Variants in NCF2 observed in about 807,000 individuals in gnomAD.
NCF2 encodes neutrophil cytosolic factor 2.
In NCF2, 45 loss-of-function variants were observed where a neutral mutation model predicts 70.9. That is an observed-to-expected ratio of 0.63 (90% CI 0.50 to 0.81). NCF2 has a LOEUF of 0.81. Ranked by LOEUF, NCF2 falls within the 40% of genes least tolerant of loss-of-function variation. The probability of loss-of-function intolerance (pLI) is 0.00; values close to 1 mark genes in which losing one functional copy is unlikely to be tolerated. For synonymous variants in NCF2, 203 were observed against 233.6 expected (o/e 0.87, Z 1.19); for missense variants, 522 against 631.6 (o/e 0.83, Z 1.86).
intron 1 of NCF2, 105 bp from the exon 2 acceptor site, chr1:183,587,082 C>T: frequency 9.0e-7 from 1 of 1,107,222 alleles, no homozygotes. Context: ...CCCAGCTCTG[C>T]TGTCTGCCCT....
At chr1:183,583,841 A>C (rs539219349) in intron 2 of NCF2, among the ~76,000 whole-genome samples, 1 of 152,334 alleles carries the variant, frequency 6.6e-6, no homozygotes, top group South Asian at 2.1e-4. Context: ...CAGTCATGGA[A>C]GCCACTGGAA....
At chr1:183,581,672 G>C (rs945337750) in intron 2 of NCF2, among the ~76,000 whole-genome samples, 1 of 133,834 alleles carries the variant, frequency 7.5e-6, no homozygotes, top group Admixed American at 7.5e-5. Flanking sequence ...TCCTTGCTAA[G>C]TGTTTTTTTT....
chr1:183,581,879 G>A (rs1258323490), intron 2 of NCF2, among the ~76,000 whole-genome samples: 7 of 152,172 alleles, frequency 4.6e-5, no homozygotes, highest in Non-Finnish European at 1.0e-4. Context: ...GTGTTAGCCA[G>A]GATGGTCTCG....
intron 2 of NCF2, among the ~76,000 whole-genome samples, chr1:183,586,167 T>C (rs1394435637): frequency 6.6e-6 from 1 of 152,194 alleles, no homozygotes; most frequent in Non-Finnish European, 1.5e-5. Flanking sequence ...AAACCCCATC[T>C]CTACTAAAAA....
chr1:183,575,689 G>T (rs1356035573), intron 3 of NCF2, among the ~76,000 whole-genome samples: 3 of 152,192 alleles, frequency 2.0e-5, no homozygotes, highest in African/African-American at 7.2e-5. Context: ...TCTTGCTCTT[G>T]GGTCACTTGC....
At position 183,555,745 on chromosome 1, in the gene NCF2, A is replaced by C. The variant is rs1005473695; in HGVS notation, c.*373T>G. ...CTAGGTTTTTTTTTATTGTGGTATG[A>C]CACAGAAAAGTGCACCAAATGTACA... is the stretch of plus-strand genomic sequence containing the variant. On this transcript the variant is annotated 3_prime_UTR_variant, in exon 15 of 15. Transcript: ENST00000367535. The C allele has an allele frequency of 8.3e-6, 2 of 241,282 alleles. No homozygotes were observed. Among genetic ancestry groups the C allele is most frequent in the African/African-American group, 2.2e-5 (1 of 44,510 alleles). 14.9% of individuals were successfully genotyped at this position (241,282 alleles called of 1,614,324 possible). A position where few individuals can be genotyped will look rare whatever the true frequency, so the allele number is the denominator to read the frequency against.
chr1:183,569,293 C>A, intron 6 of NCF2, 108 bp from the exon 7 acceptor site: 1 of 1,022,948 alleles, frequency 9.8e-7, no homozygotes, highest in South Asian at 1.3e-5. Flanking sequence ...ACCAGAAAAT[C>A]AAATAACGCA....
rs563385063 is a variant in NCF2, at chr1:183,584,200, G to A, written c.257+2695C>T. On this transcript the variant is annotated intron_variant, in intron 2 of 14. Coordinates refer to ENST00000367535, the MANE Select transcript of NCF2 (RefSeq NM_000433.4). Reference sequence around the variant, plus strand: ...TTCACATACGGACTTCATATCTATAGCCCCTGAATTGTACATAAACGAATG... The same window carrying A: ...TTCACATACGGACTTCATATCTATAACCCCTGAATTGTACATAAACGAATG... 8.5e-5 allele frequency among the ~76,000 whole-genome samples: 13 copies of A among 152,292 alleles called. No homozygotes were observed. The East Asian group carries it at 2.1e-3, about 25-fold the overall frequency.
chr1:183,564,436 T>C (rs1672216295), intron 10 of NCF2, among the ~76,000 whole-genome samples: 3 of 152,246 alleles, frequency 2.0e-5, no homozygotes, highest in Admixed American at 2.0e-4. Context: ...TATTTTTGTG[T>C]ATGTTTCCTA....
At chr1:183,574,447 A>G (rs1672705438) in intron 4 of NCF2, 40 bp downstream of exon 4, 15 of 1,614,024 alleles carry the variant, frequency 9.3e-6, no homozygotes, top group Non-Finnish European at 1.3e-5. Context: ...ATGAGAATCC[A>G]GTGACATCCT....
chr1:183,587,121 T>C (rs981537886), intron 1 of NCF2, 144 bp from the exon 2 acceptor site: 1 of 790,600 alleles, frequency 1.3e-6, no homozygotes, highest in Non-Finnish European at 2.3e-6. Flanking sequence ...CACCCTGTGC[T>C]CTCACGGTGC....
chr1:183,582,814 C>T (rs1673174828), intron 2 of NCF2, among the ~76,000 whole-genome samples: 1 of 152,196 alleles, frequency 6.6e-6, no homozygotes, highest in Non-Finnish European at 1.5e-5. Context: ...CTTCGAGCCC[C>T]TGTGCCTTTC....
rs755614780 is a variant in NCF2 at position 183,590,427 on chromosome 1, A to G, written c.-98T>C. On this transcript the variant is annotated 5_prime_UTR_variant, in exon 1 of 15. Coordinates refer to ENST00000367535, the MANE Select transcript of NCF2 (RefSeq NM_000433.4). ...AGCAGGGCTGCCTTAGTGGCCCCCAAGGTGTTCACTTTCTGGGCCAGATGA... is the reference window on the plus strand; with the variant it reads ...AGCAGGGCTGCCTTAGTGGCCCCCAGGGTGTTCACTTTCTGGGCCAGATGA... The G allele has an allele frequency of 8.8e-6, 12 of 1,368,530 alleles. No individual in the cohort carries two copies. The highest frequency in any genetic ancestry group is 2.3e-5 in the East Asian group (1 of 42,834). 84.8% of individuals were successfully genotyped at this position (1,368,530 alleles called of 1,614,324 possible). A position where few individuals can be genotyped will look rare whatever the true frequency, so the allele number is the denominator to read the frequency against.
intron 7 of NCF2, among the ~76,000 whole-genome samples, chr1:183,568,926 C>G (rs1340720149): frequency 6.6e-6 from 1 of 152,162 alleles, no homozygotes; most frequent in Non-Finnish European, 1.5e-5. Context: ...TCAAGACTCC[C>G]ATCCCCATCA....
At chr1:183,556,585 G>A (rs1389133826) in intron 14 of NCF2, among the ~76,000 whole-genome samples, 2 of 152,186 alleles carry the variant, frequency 1.3e-5, no homozygotes, top group African/African-American at 2.4e-5. Context: ...AGGCTGGAGT[G>A]CAGTGGCACA....
intron 13 of NCF2, among the ~76,000 whole-genome samples, 163 bp downstream of exon 13, chr1:183,563,032 G>A (rs1395600480): frequency 6.6e-6 from 1 of 152,154 alleles, no homozygotes; most frequent in Non-Finnish European, 1.5e-5. Context: ...TGCAAATGGG[G>A]TGAGGATGCA....
intron 3 of NCF2, among the ~76,000 whole-genome samples, chr1:183,575,281 C>T (rs1295418948): frequency 1.3e-5 from 2 of 152,198 alleles, no homozygotes; most frequent in African/African-American, 2.4e-5. Context: ...ATCAGCCTGG[C>T]CAACATGGAG....
At chr1:183,593,837 C>G (rs1228754106), upstream of NCF2, among the ~76,000 whole-genome samples, 2 of 152,186 alleles carry the variant, frequency 1.3e-5, no homozygotes, top group African/African-American at 2.4e-5. Flanking sequence ...CAGTTCTGTT[C>G]AAGCCTCCAG....
rs139108402 is a variant in NCF2, at chr1:183,556,131, C to T, written c.1568G>A (p.Arg523Gln). Reference protein sequence around the residue: ...DCATTDLESTRREV With the variant: ...DCATTDLESTQREV Reference sequence around the variant, plus strand: ...TTGTGAAACATCCTAGACTTCTCTCCGAGTGCTTTCCAAATCTGTAGTTGC... The same window carrying T: ...TTGTGAAACATCCTAGACTTCTCTCTGAGTGCTTTCCAAATCTGTAGTTGC... The change falls in exon 15 of 15, where the codon CGG (arginine) becomes CAG (glutamine). Residue 523 changes from arginine (R) to glutamine (Q), a missense_variant. Transcript: ENST00000367535. 60 of 1,614,040 alleles carry T rather than the reference C, an allele frequency of 3.7e-5. No individual in the cohort carries two copies. The highest frequency in any genetic ancestry group is 6.7e-5 in the Admixed American group (4 of 60,024).
Sources: allele counts gnomAD v4.1 joint callset (sites outside exome capture counted in the v4.1 genomes callset), GRCh38; gene constraint gnomAD v4.1.1; transcripts MANE v1.5; gene names NCBI Gene and HGNC (gene_info 2026-07-23, HGNC 2026-07-21).